Variants in GPD2 observed in about 807,000 individuals in gnomAD.
The protein encoded by GPD2 is glycerol-3-phosphate dehydrogenase 2, also known as glycerol-3-phosphate dehydrogenase, mitochondrial.
GPD2 carries 54 observed loss-of-function variants against 82.4 expected under a neutral mutation model. The ratio of observed to expected loss-of-function variants is 0.66; its 90% CI spans 0.53 to 0.82. GPD2 has a LOEUF of 0.82. Among genes scored for constraint, GPD2 ranks in the 40% least tolerant of loss-of-function variants. GPD2 has a pLI of 0.00. For missense variants in GPD2, 748 were observed against 896.2 expected, an observed-to-expected ratio of 0.83 and a Z score of 2.11; for synonymous variants, 288 against 306.1, an observed-to-expected ratio of 0.94 and a Z score of 0.62.
chr2:156,489,745 TCCC>T lies in GPD2; in HGVS notation c.103-6298_103-6296del, dbSNP rs1180010924. Among the ~76,000 whole-genome samples, 30 of 76,558 alleles carry T rather than the reference TCCC, an allele frequency of 3.9e-4. 2 individuals carry two copies. The South Asian group carries it at 0.016, about 42-fold the overall frequency. The allele number at this position is 76,558 out of a possible 152,430, so 50.2% of individuals were successfully genotyped here. On this transcript the variant is annotated intron_variant, in intron 2 of 16. Transcript: ENST00000438166. ...CTTCCTCCCTCCCTCCCTCCCTCCC[TCCC>T]TCGCTCCCTTCTCTTCGTCCCTTCC... is the stretch of plus-strand genomic sequence containing the variant.
intron 1 of GPD2, among the ~76,000 whole-genome samples, chr2:156,457,871 T>G (rs1470957164): frequency 6.6e-6 from 1 of 152,240 alleles, no homozygotes; most frequent in East Asian, 1.9e-4. Flanking sequence ...CAGATGTATT[T>G]TTATGCTTTA....
At chr2:156,570,456 A>G (rs913642777) in intron 12 of GPD2, among the ~76,000 whole-genome samples, 12 of 152,152 alleles carry the variant, frequency 7.9e-5, no homozygotes, top group African/African-American at 2.9e-4. Flanking sequence ...TTTTTTCTCC[A>G]TCAAACTGTC....
intron 1 of GPD2, among the ~76,000 whole-genome samples, chr2:156,449,510 G>C (rs1682478289): frequency 6.6e-6 from 1 of 152,092 alleles, no homozygotes; most frequent in Non-Finnish European, 1.5e-5. Context: ...TTGAAGTTTG[G>C]AGGGCCACAG....
chr2:156,402,225 T>C, the GPD2 span, among the ~76,000 whole-genome samples: 3 of 152,196 alleles, frequency 2.0e-5, no homozygotes, highest in Admixed American at 2.0e-4. Context: ...AAATGCTGCA[T>C]GTAGTTTAGG....
chr2:156,443,420 A>G (rs1682248325), intron 1 of GPD2, among the ~76,000 whole-genome samples: 1 of 152,170 alleles, frequency 6.6e-6, no homozygotes, highest in Non-Finnish European at 1.5e-5. Context: ...TTGCCCCATA[A>G]TTCAGTCATC....
At chr2:156,553,708 T>G (rs534093985) in intron 8 of GPD2, among the ~76,000 whole-genome samples, 1 of 152,204 alleles carries the variant, frequency 6.6e-6, no homozygotes, top group Non-Finnish European at 1.5e-5. Flanking sequence ...TGTTAAAAAT[T>G]TTGTGTGAAA....
At chr2:156,526,328 A>G (rs1299037345) in intron 6 of GPD2, among the ~76,000 whole-genome samples, 1 of 152,150 alleles carries the variant, frequency 6.6e-6, no homozygotes, top group Non-Finnish European at 1.5e-5. Flanking sequence ...AGAGAGCTTA[A>G]AATTAATCAG....
chr2:156,439,513 G>GAAAAAAAACAAA (rs1682067129), intron 1 of GPD2, among the ~76,000 whole-genome samples: 1 of 31,622 alleles, frequency 3.2e-5, no homozygotes, highest in Non-Finnish European at 5.1e-5. Flanking sequence ...GACTGTCTCA[G>GAAAAAAAACAAA]AAAAAAAAAA....
intron 7 of GPD2, 39 bp from the exon 8 acceptor site, chr2:156,550,563 A>G (rs1451001629): frequency 1.9e-6 from 3 of 1,607,146 alleles, no homozygotes; most frequent in African/African-American, 2.7e-5. Context: ...TAACAGAGAA[A>G]CAAATGAGGT....
chr2:156,438,369 A>G, intron 1 of GPD2, among the ~76,000 whole-genome samples: 1 of 152,208 alleles, frequency 6.6e-6, no homozygotes, highest in African/African-American at 2.4e-5. Context: ...CTTCCATCCT[A>G]TATTTTTCCT....
chr2:156,565,229 C>T (rs769069308), intron 9 of GPD2, among the ~76,000 whole-genome samples: 12 of 152,112 alleles, frequency 7.9e-5, no homozygotes, highest in Non-Finnish European at 1.3e-4. Context: ...ATTTCACAGA[C>T]ACTAGAGGGA....
chr2:156,536,521 A>G (rs1023990176), intron 6 of GPD2, among the ~76,000 whole-genome samples: 8 of 152,216 alleles, frequency 5.3e-5, no homozygotes, highest in African/African-American at 7.2e-5. Context: ...CTTGTTTTCT[A>G]TAGGCAGTAA....
chr2:156,415,271 G>C, the GPD2 span, among the ~76,000 whole-genome samples: 1 of 149,438 alleles, frequency 6.7e-6, no homozygotes, highest in African/African-American at 2.5e-5. Context: ...CCGTTCTCCT[G>C]CCTCAGCCTC....
chr2:156,427,572 T>C, the GPD2 span, among the ~76,000 whole-genome samples: 1 of 152,238 alleles, frequency 6.6e-6, no homozygotes, highest in African/African-American at 2.4e-5. Context: ...GGTTGTAAAT[T>C]GCTTTGGCAT....
chr2:156,510,909 G>T lies in GPD2; in HGVS notation c.388G>T (p.Asp130Tyr), dbSNP rs1684972307. ...RYLQKAIMKL[D>Y]IEQYRMVKEA... ...TCTGCAGAAGGCCATCATGAAGTTG[G>T]ATATTGAGCAGGTAATTGTGTATGC... is the stretch of plus-strand genomic sequence containing the variant. The change falls in exon 4 of 17, where the codon GAT becomes TAT. Residue 130 changes from aspartate to tyrosine, a missense_variant. This residue lies in a region of GPD2 where 692 missense variants were observed against 809.7 expected (regional missense o/e 0.85). Transcript: ENST00000438166. The T allele has an allele frequency of 6.2e-7, 1 of 1,613,682 alleles. No individual in the cohort carries two copies. Among genetic ancestry groups the T allele is most frequent in the East Asian group, 2.2e-5 (1 of 44,858 alleles).
At chr2:156,405,936 C>A in the GPD2 span, among the ~76,000 whole-genome samples, 1 of 152,134 alleles carries the variant, frequency 6.6e-6, no homozygotes, top group African/African-American at 2.4e-5. Context: ...AAGTTCCTAG[C>A]TGGTGTTAGC....
At chr2:156,495,313 G>A (rs1252605684) in intron 2 of GPD2, among the ~76,000 whole-genome samples, 1 of 152,018 alleles carries the variant, frequency 6.6e-6, no homozygotes, top group Non-Finnish European at 1.5e-5. Flanking sequence ...TAGTGCCACC[G>A]CACCCCAGGC....
At chr2:156,494,864 C>A (rs552757253) in intron 2 of GPD2, among the ~76,000 whole-genome samples, 1 of 152,324 alleles carries the variant, frequency 6.6e-6, no homozygotes, top group African/African-American at 2.4e-5. Context: ...TGGAAAAAAA[C>A]CAAACACCAT....
At chr2:156,530,605 A>G (rs1384435288) in intron 6 of GPD2, among the ~76,000 whole-genome samples, 1 of 151,724 alleles carries the variant, frequency 6.6e-6, no homozygotes, top group East Asian at 2.0e-4. Context: ...AATACGTTCC[A>G]TCAATACCTA....
Sources: allele counts gnomAD v4.1 joint callset (sites outside exome capture counted in the v4.1 genomes callset), GRCh38; gene constraint gnomAD v4.1.1; regional missense constraint gnomAD v4.1.1; transcripts MANE v1.5; gene names NCBI Gene and HGNC (gene_info 2026-07-23, HGNC 2026-07-21).